The following CHD1 variants were observed in gnomAD, a reference collection of about 807,000 sequenced individuals.
The protein encoded by CHD1 is chromodomain helicase DNA binding protein 1.
In CHD1, 36 loss-of-function variants were observed where a neutral mutation model predicts 224.2. That is an observed-to-expected ratio of 0.16 (90% CI 0.12 to 0.21). CHD1 has a LOEUF of 0.21. CHD1 is among the 10% of genes least tolerant of loss of function. The pLI is 1.00. For synonymous variants in CHD1, 668 were observed against 658.3 expected (o/e 1.01, Z -0.23); for missense variants, 1,378 against 1,994.8 (o/e 0.69, Z 5.89).
At chr5:98,874,788 T>C (rs919498642) in intron 25 of CHD1, among the ~76,000 whole-genome samples, 1 of 151,940 alleles carries the variant, frequency 6.6e-6, no homozygotes, top group African/African-American at 2.4e-5. Context: ...TTTTAAGTTA[T>C]TGATGAAAAA....
rs1750771274 is a variant in CHD1 at position 98,888,082 on chromosome 5, G to T, written c.2496+6C>A. The T allele has an allele frequency of 6.5e-7, 1 of 1,543,234 alleles. No individual in the cohort carries two copies. The highest frequency in any genetic ancestry group is 8.8e-7 in the Non-Finnish European group (1 of 1,130,428). The stretch of plus-strand genomic sequence containing the variant: ...TTTAAAACAACAAATACAATTAAAT[G>T]CTTACTTGAAAGGGGAATTGACGAT... On this transcript the variant is annotated splice_donor_region_variant and intron_variant, in intron 17 of 35. Coordinates refer to ENST00000614616, the MANE Select transcript of CHD1 (RefSeq NM_001270.4).
chr5:98,882,346 G>A (rs1580414423), intron 19 of CHD1, among the ~76,000 whole-genome samples: 1 of 149,986 alleles, frequency 6.7e-6, no homozygotes, highest in African/African-American at 2.5e-5. Context: ...ATTTTGATAA[G>A]GAGATTGCAT....
In CHD1 at chr5:98,854,862, A is replaced by G. The variant is rs1182939460; in HGVS notation, c.*1518T>C. ...AGATTCAAATTTGTTACATCAAAGCATACATGCAAGAATGTGTGCCACATG... is the reference window on the plus strand; with the variant it reads ...AGATTCAAATTTGTTACATCAAAGCGTACATGCAAGAATGTGTGCCACATG... On this transcript the variant is annotated 3_prime_UTR_variant, in exon 36 of 36. Coordinates refer to ENST00000614616, the MANE Select transcript of CHD1 (RefSeq NM_001270.4). The G allele has an allele frequency of 3.3e-5, 5 of 152,220 alleles. No homozygotes were observed. The highest frequency in any genetic ancestry group is 7.4e-5 in the Non-Finnish European group (5 of 68,026). The allele number at this position is 152,220 out of a possible 1,614,324, so 9.4% of individuals were successfully genotyped here. A position where few individuals can be genotyped will look rare whatever the true frequency, so the allele number is the denominator to read the frequency against.
intron 32 of CHD1, chr5:98,860,313 G>A (rs2112452215): frequency 2.3e-6 from 1 of 426,516 alleles, no homozygotes; most frequent in Non-Finnish European, 4.4e-6. Flanking sequence ...TAGTCTTTAG[G>A]GTGAAAAGCA....
At chr5:98,916,738 T>C (rs1371505589) in intron 2 of CHD1, among the ~76,000 whole-genome samples, 2 of 152,100 alleles carry the variant, frequency 1.3e-5, no homozygotes, top group Non-Finnish European at 2.9e-5. Context: ...ACTGCCTTTA[T>C]TGTGAGTCAT....
rs533644346 is a variant in CHD1 at position 98,901,152 on chromosome 5, A to G, written c.587+34T>C. Reference sequence around the variant, plus strand: ...TATACAAAAAGAACAAATACTTTCCACAATCAATTTTCAGCACCAAACTGA... The same window carrying G: ...TATACAAAAAGAACAAATACTTTCCGCAATCAATTTTCAGCACCAAACTGA... On this transcript the variant is annotated intron_variant, in intron 6 of 35. Coordinates refer to ENST00000614616, the MANE Select transcript of CHD1 (RefSeq NM_001270.4). 94 of 1,587,644 alleles carry G rather than the reference A, an allele frequency of 5.9e-5. No homozygotes were observed. The Middle Eastern group carries it at 1.2e-3, about 20-fold the overall frequency.
intron 31 of CHD1, among the ~76,000 whole-genome samples, chr5:98,867,352 TAG>T (rs1408064943): frequency 6.6e-6 from 1 of 152,198 alleles, no homozygotes; most frequent in Non-Finnish European, 1.5e-5. Context: ...TGAGCCTGTT[TAG>T]AAACTCATAA....
At chr5:98,871,829 C>G (rs1283175006) in intron 28 of CHD1, among the ~76,000 whole-genome samples, 1 of 152,014 alleles carries the variant, frequency 6.6e-6, no homozygotes, top group Non-Finnish European at 1.5e-5. Context: ...AATAATACAC[C>G]TAATGCCTTA....
At chr5:98,904,391 A>ATAC (rs1466498602) in intron 3 of CHD1, among the ~76,000 whole-genome samples, 1 of 152,224 alleles carries the variant, frequency 6.6e-6, no homozygotes, top group Non-Finnish European at 1.5e-5. Flanking sequence ...GTAACACTGT[A>ATAC]TACTACCACG....
intron 17 of CHD1, 36 bp downstream of exon 17, chr5:98,888,052 T>C (rs770635104): frequency 7.2e-7 from 1 of 1,395,822 alleles, no homozygotes; most frequent in East Asian, 2.4e-5. Context: ...AGGAATTAGA[T>C]AAAATTTAAA....
At chr5:98,881,915 T>G in intron 20 of CHD1, 60 bp downstream of exon 20, 1 of 1,406,132 alleles carries the variant, frequency 7.1e-7, no homozygotes, top group Non-Finnish European at 9.9e-7. Context: ...TGATGTAACA[T>G]ATCAAAAATA....
At chr5:98,859,142 T>C (rs1748276164) in intron 33 of CHD1, 127 bp from the exon 34 acceptor site, 2 of 617,218 alleles carry the variant, frequency 3.2e-6, no homozygotes, top group African/African-American at 3.9e-5. Context: ...TTTATGTGTG[T>C]ATATATACAT....
intron 2 of CHD1, among the ~76,000 whole-genome samples, chr5:98,918,851 T>C (rs1752917520): frequency 6.6e-6 from 1 of 152,078 alleles, no homozygotes; most frequent in African/African-American, 2.4e-5. Context: ...CTCATCATTA[T>C]GAAAATTACA....
intron 35 of CHD1, among the ~76,000 whole-genome samples, chr5:98,857,880 GTATT>G (rs1201760379): frequency 6.6e-6 from 1 of 151,902 alleles, no homozygotes; most frequent in Non-Finnish European, 1.5e-5. Flanking sequence ...ATTTTAAAGA[GTATT>G]TGAGCCAATA....
At chr5:98,881,257 T>C in intron 21 of CHD1, 22 bp downstream of exon 21, 2 of 957,058 alleles carry the variant, frequency 2.1e-6, no homozygotes, top group Non-Finnish European at 2.8e-6. Context: ...CAGGCCTTTT[T>C]TTTTTTTTTT....
intron 32 of CHD1, among the ~76,000 whole-genome samples, chr5:98,862,730 T>C (rs1354360355): frequency 3.3e-5 from 5 of 152,258 alleles, no homozygotes; most frequent in South Asian, 4.1e-4. Flanking sequence ...ATTCAAAAAA[T>C]TGGTGAAGAT....
At position 98,856,359 on chromosome 5, in the gene CHD1, A is replaced by C; in HGVS notation, c.*21T>G. The C allele has an allele frequency of 6.3e-7, 1 of 1,580,252 alleles. No homozygotes were observed. Among genetic ancestry groups the C allele is most frequent in the South Asian group, 1.1e-5 (1 of 90,002 alleles). On this transcript the variant is annotated 3_prime_UTR_variant, in exon 36 of 36. Coordinates refer to ENST00000614616, the MANE Select transcript of CHD1 (RefSeq NM_001270.4). ...TATATGGCTAAAAGAAAAGTCCAGA[A>C]AGACGAAGTATCAGTTTTTGTTATG...
chr5:98,868,318 C>T (rs977529115), intron 31 of CHD1, among the ~76,000 whole-genome samples, 177 bp downstream of exon 31: 8 of 131,060 alleles, frequency 6.1e-5, no homozygotes, highest in African/African-American at 2.1e-4. Context: ...CAGTGAGATG[C>T]TAACTCAAAA....
intron 19 of CHD1, 129 bp from the exon 20 acceptor site, chr5:98,882,252 T>G: frequency 1.5e-6 from 1 of 675,060 alleles, no homozygotes; most frequent in South Asian, 2.7e-5. Context: ...AAAAGCAAAA[T>G]GAAAATTTAA....
Sources: gnomAD v4.1 joint callset for allele counts (sites outside exome capture counted in the v4.1 genomes callset) on GRCh38, gnomAD v4.1.1 for gene constraint, MANE v1.5 for transcripts, NCBI Gene and HGNC (gene_info 2026-07-23, HGNC 2026-07-21) for gene names.